Variants in GDPD4 observed in about 807,000 individuals in gnomAD.
The protein encoded by GDPD4 is glycerophosphodiester phosphodiesterase domain containing 4.
In GDPD4, 60 loss-of-function variants were observed where a neutral mutation model predicts 67.8. That is an observed-to-expected ratio of 0.88 (90% CI 0.72 to 1.10). The LOEUF (loss-of-function observed/expected upper bound fraction) is 1.10. Ranked by LOEUF, GDPD4 falls within the 50% of genes least tolerant of loss-of-function variation. The pLI, the probability that GDPD4 is intolerant of heterozygous loss-of-function variation, is 0.00. For missense variants in GDPD4, 623 were observed against 613.9 expected, an observed-to-expected ratio of 1.01 and a Z score of -0.16; for synonymous variants, 212 against 210.9, an observed-to-expected ratio of 1.00 and a Z score of -0.04.
chr11:77,287,679 C>T (rs1960054995), intron 1 of GDPD4, among the ~76,000 whole-genome samples: 1 of 152,212 alleles, frequency 6.6e-6, no homozygotes, highest in Non-Finnish European at 1.5e-5. Context: ...ACAATATTCC[C>T]TGTCCTCACC....
Position 77,243,871 on chromosome 11 carries a change from C to T in GDPD4, c.1087-23G>A, listed in dbSNP as rs753710057. The T allele has an allele frequency of 9.4e-6, 15 of 1,592,630 alleles. No homozygotes were observed. In the South Asian group the frequency reaches 1.7e-4, roughly 18 times the overall value. On this transcript the variant is annotated intron_variant, in intron 12 of 16. Coordinates refer to ENST00000315938, the MANE Select transcript of GDPD4 (RefSeq NM_182833.3). ...AATCTCTAAGGAGAAACAAGAAGTC[C>T]CTCAGTAGATAATCAGCTATCCAGG...
intron 4 of GDPD4, among the ~76,000 whole-genome samples, chr11:77,278,816 C>A (rs1052862564): frequency 6.6e-6 from 1 of 152,224 alleles, no homozygotes; most frequent in African/African-American, 2.4e-5. Context: ...CAAGGTCACA[C>A]TATTGCCAAA....
chr11:77,300,000 A>G (rs1367283358), intron 1 of GDPD4, among the ~76,000 whole-genome samples: 1 of 152,242 alleles, frequency 6.6e-6, no homozygotes, highest in Non-Finnish European at 1.5e-5. Flanking sequence ...ATTTGTAAGT[A>G]CTATTAGATA....
At chr11:77,232,684 A>C (rs912137721) in intron 14 of GDPD4, among the ~76,000 whole-genome samples, 5 of 152,228 alleles carry the variant, frequency 3.3e-5, no homozygotes, top group Admixed American at 3.3e-4. Context: ...GTCAGACCTC[A>C]TTCTGAATCC....
At chr11:77,250,300 C>G (rs1958865106) in intron 11 of GDPD4, among the ~76,000 whole-genome samples, 1 of 152,096 alleles carries the variant, frequency 6.6e-6, no homozygotes, top group Non-Finnish European at 1.5e-5. Context: ...TCATGTATAT[C>G]TAATATTTAG....
intron 10 of GDPD4, among the ~76,000 whole-genome samples, chr11:77,268,182 T>C (rs756431736): frequency 1.8e-4 from 28 of 151,956 alleles, no homozygotes; most frequent in Non-Finnish European, 3.5e-4. Context: ...TAGAGTGAAG[T>C]GGTAAGCACG....
intron 13 of GDPD4, among the ~76,000 whole-genome samples, chr11:77,242,927 C>G (rs1958699402): frequency 1.7e-5 from 1 of 60,274 alleles, no homozygotes; most frequent in African/African-American, 3.7e-5. Flanking sequence ...TATCTATTAT[C>G]TATAATCTAT....
At chr11:77,287,469 G>A (rs1033557170) in intron 1 of GDPD4, 49 bp from the exon 2 acceptor site, 9 of 152,134 alleles carry the variant, frequency 5.9e-5, no homozygotes, top group African/African-American at 2.2e-4. Flanking sequence ...TCCCCTTAAT[G>A]TACCTTATCC....
chr11:77,265,408 T>A (rs1959173674), intron 10 of GDPD4, among the ~76,000 whole-genome samples: 1 of 152,180 alleles, frequency 6.6e-6, no homozygotes, highest in Admixed American at 6.5e-5. Flanking sequence ...ATGGATCATC[T>A]TCTGATTTTA....
intron 14 of GDPD4, among the ~76,000 whole-genome samples, chr11:77,231,225 A>T (rs1490591953): frequency 6.6e-6 from 1 of 152,272 alleles, no homozygotes; most frequent in Non-Finnish European, 1.5e-5. Flanking sequence ...TCCTCACTTT[A>T]ATTTTCTCAA....
intron 7 of GDPD4, among the ~76,000 whole-genome samples, chr11:77,270,193 T>C (rs746912246): frequency 2.0e-5 from 3 of 152,352 alleles, no homozygotes; most frequent in Non-Finnish European, 2.9e-5. Flanking sequence ...GAAGGTCCTA[T>C]TGGTTTATCC....
chr11:77,234,710 G>T (rs960066900), intron 13 of GDPD4, among the ~76,000 whole-genome samples: 1 of 152,198 alleles, frequency 6.6e-6, no homozygotes, highest in African/African-American at 2.4e-5. Context: ...GTATTCCATG[G>T]TGTATATGTG....
At chr11:77,263,579 G>T (rs1959160384) in intron 10 of GDPD4, among the ~76,000 whole-genome samples, 2 of 151,896 alleles carry the variant, frequency 1.3e-5, no homozygotes, top group African/African-American at 4.8e-5. Flanking sequence ...ATTTAAAGGG[G>T]TGCCAAAAAC....
At chr11:77,290,087 T>G (rs934894445) in intron 1 of GDPD4, among the ~76,000 whole-genome samples, 1 of 152,160 alleles carries the variant, frequency 6.6e-6, no homozygotes, top group African/African-American at 2.4e-5. Flanking sequence ...GAAAAAGGTC[T>G]TCTCCAAGGC....
chr11:77,297,814 GCACT>G (rs1938027471), intron 1 of GDPD4, among the ~76,000 whole-genome samples: 3 of 152,166 alleles, frequency 2.0e-5, no homozygotes, highest in Admixed American at 1.3e-4. Flanking sequence ...CACACTTTGA[GCACT>G]CAAATGACCA....
intron 16 of GDPD4, among the ~76,000 whole-genome samples, chr11:77,226,066 C>T (rs1958330456): frequency 2.0e-5 from 3 of 152,156 alleles, no homozygotes; most frequent in African/African-American, 4.8e-5. Context: ...CATTTATTTT[C>T]TACTCACCTT....
intron 16 of GDPD4, among the ~76,000 whole-genome samples, chr11:77,220,050 G>T (rs919430019): frequency 6.6e-6 from 1 of 152,080 alleles, no homozygotes; most frequent in Non-Finnish European, 1.5e-5. Context: ...AGACTATGGG[G>T]TGATTTTGTA....
At chr11:77,255,673 A>G (rs147235818) in intron 11 of GDPD4, among the ~76,000 whole-genome samples, 5,241 of 152,172 alleles carry the variant, frequency 0.034, 129 homozygotes, top group Non-Finnish European at 0.05. Context: ...AGCCTGGCCA[A>G]TATGGTGAAA....
At chr11:77,246,719 T>C (rs1958791297) in intron 11 of GDPD4, among the ~76,000 whole-genome samples, 1 of 152,216 alleles carries the variant, frequency 6.6e-6, no homozygotes, top group Non-Finnish European at 1.5e-5. Flanking sequence ...TAGAAAAGTA[T>C]ACAATTCACA....
Sources: gnomAD v4.1 joint callset for allele counts (sites outside exome capture counted in the v4.1 genomes callset) on GRCh38, gnomAD v4.1.1 for gene constraint, MANE v1.5 for transcripts, NCBI Gene and HGNC (gene_info 2026-07-23, HGNC 2026-07-21) for gene names.